The following CDH8 variants were observed in gnomAD, a reference collection of about 807,000 sequenced individuals.
The protein encoded by CDH8 is cadherin-8.
CDH8 carries 17 observed loss-of-function variants against 68.1 expected under a neutral mutation model. That is an observed-to-expected ratio of 0.25 (90% CI 0.17 to 0.37). The LOEUF (loss-of-function observed/expected upper bound fraction) is 0.37. CDH8 is among the 10% of genes least tolerant of loss of function. The pLI is 1.00. For missense variants in CDH8, 763 were observed against 999.3 expected, an observed-to-expected ratio of 0.76 and a Z score of 3.19; for synonymous variants, 372 against 365.1, an observed-to-expected ratio of 1.02 and a Z score of -0.21.
At chr16:61,955,665 G>T (rs1441280910) in intron 2 of CDH8, among the ~76,000 whole-genome samples, 1 of 151,834 alleles carries the variant, frequency 6.6e-6, no homozygotes, top group Non-Finnish European at 1.5e-5. Flanking sequence ...TCATTTAAAA[G>T]TGGTCACACA....
Position 61,689,903 on chromosome 16 carries a change from T to C in CDH8, c.1654+23938A>G, listed in dbSNP as rs181184347. 2.9e-3 allele frequency among the ~76,000 whole-genome samples: 448 copies of C among 152,098 alleles called. 1 individual carries two copies. The highest frequency in any genetic ancestry group is 4.8e-3 in the Non-Finnish European group (324 of 67,922). On this transcript the variant is annotated intron_variant, in intron 10 of 11. Coordinates refer to ENST00000577390, the MANE Select transcript of CDH8 (RefSeq NM_001796.5). The stretch of plus-strand genomic sequence containing the variant: ...TGCTCAAGGTTACATCACTAATATA[T>C]GTTATAGGTAGGATACAACAGTCTG...
At position 61,993,016 on chromosome 16, in the gene CDH8, C is replaced by T. The variant is rs570879527; in HGVS notation, c.252+28136G>A. On this transcript the variant is annotated intron_variant, in intron 2 of 11. Transcript: ENST00000577390. ...CTCAGGCTGGTCTTGAACTACTGGG[C>T]TCAAGCAATCCTCCTGTCTTGGCCT... Among the ~76,000 whole-genome samples, 3 of 152,156 alleles carry T rather than the reference C, an allele frequency of 2.0e-5. No individual in the cohort carries two copies. In the South Asian group the frequency reaches 6.2e-4, roughly 32 times the overall value.
intron 3 of CDH8, among the ~76,000 whole-genome samples, chr16:61,875,285 G>A (rs979689531): frequency 5.9e-5 from 9 of 151,874 alleles, no homozygotes; most frequent in African/African-American, 1.7e-4. Context: ...GAATACTACC[G>A]TGGACTCCAT....
At chr16:61,964,574 C>A (rs1051001460) in intron 2 of CDH8, among the ~76,000 whole-genome samples, 1 of 151,506 alleles carries the variant, frequency 6.6e-6, no homozygotes, top group Admixed American at 6.6e-5. Flanking sequence ...TTGAATGAAA[C>A]CAGGTTATTC....
rs540466771 is a variant in CDH8, at chr16:61,878,084, T to A, written c.548-20846A>T. ...GACAAATATTAGAAGAGTTTGAACA[T>A]CTCTTTGAATACTTATTTTGTGTCT... On this transcript the variant is annotated intron_variant, in intron 3 of 11. Transcript: ENST00000577390. 1.6e-4 allele frequency among the ~76,000 whole-genome samples: 24 copies of A among 152,292 alleles called. 1 individual carries two copies. In the East Asian group the frequency reaches 3.5e-3, roughly 22 times the overall value.
At chr16:61,733,210 T>G (rs1341950099) in intron 8 of CDH8, among the ~76,000 whole-genome samples, 1 of 151,794 alleles carries the variant, frequency 6.6e-6, no homozygotes, top group Non-Finnish European at 1.5e-5. Context: ...CTGAAGCTTA[T>G]TCTGCCAAGT....
At chr16:61,770,774 G>T (rs542023569) in intron 8 of CDH8, among the ~76,000 whole-genome samples, 60 of 152,000 alleles carry the variant, frequency 3.9e-4, no homozygotes, top group African/African-American at 1.2e-3. Context: ...ATTAAACAAT[G>T]TAACTGTAGT....
chr16:61,716,961 A>C (rs1964742165), intron 9 of CDH8, among the ~76,000 whole-genome samples: 1 of 151,650 alleles, frequency 6.6e-6, no homozygotes, highest in Non-Finnish European at 1.5e-5. Context: ...TGTTCAAAGA[A>C]ATGTACCTTC....
chr16:61,776,494 C>G (rs949424414), intron 8 of CDH8, among the ~76,000 whole-genome samples: 2 of 151,962 alleles, frequency 1.3e-5, no homozygotes, highest in African/African-American at 4.8e-5. Context: ...CCAACCTGGC[C>G]GGGATACTTG....
intron 2 of CDH8, among the ~76,000 whole-genome samples, chr16:61,927,679 C>A (rs1255730617): frequency 6.6e-6 from 1 of 152,124 alleles, no homozygotes; most frequent in East Asian, 1.9e-4. Flanking sequence ...GTCAGGCACC[C>A]CATCAGGTGG....
rs1316031690 is a variant in CDH8 at position 61,647,794 on chromosome 16, C to T, written c.*5814G>A. The T allele has an allele frequency of 2.9e-6, 2 of 699,498 alleles. No homozygotes were observed. The highest frequency in any genetic ancestry group is 5.2e-6 in the Non-Finnish European group (2 of 382,780). The allele number at this position is 699,498 out of a possible 1,614,324, so 43.3% of individuals were successfully genotyped here. A position where few individuals can be genotyped will look rare whatever the true frequency, so the allele number is the denominator to read the frequency against. On this transcript the variant is annotated 3_prime_UTR_variant, in exon 12 of 12. Coordinates refer to ENST00000577390, the MANE Select transcript of CDH8 (RefSeq NM_001796.5). ...GTGACCTCTCATTTCCTTTTCTGGT[C>T]CTGACCTCTGAGTTCATTGAAGCCA...
intron 2 of CDH8, among the ~76,000 whole-genome samples, chr16:61,923,019 A>G (rs1964396052): frequency 6.6e-6 from 1 of 152,222 alleles, no homozygotes; most frequent in Admixed American, 6.5e-5. Flanking sequence ...CATTCAAATA[A>G]TTTATGCAGT....
Position 61,793,706 on chromosome 16 carries a change from A to G in CDH8, c.1278-4224T>C, listed in dbSNP as rs531395200. On this transcript the variant is annotated intron_variant, in intron 7 of 11. Transcript: ENST00000577390. ...CTTTGGTATTGTGAATAGTGCTGCA[A>G]TTAACCTATGCATGCCTGTGTCTTT... 2.2e-4 allele frequency among the ~76,000 whole-genome samples: 33 copies of G among 152,110 alleles called. No individual in the cohort carries two copies. The South Asian group carries it at 3.3e-3, about 15-fold the overall frequency.
At chr16:61,866,729 T>A (rs1597028538) in intron 3 of CDH8, among the ~76,000 whole-genome samples, 1 of 152,122 alleles carries the variant, frequency 6.6e-6, no homozygotes, top group Middle Eastern at 3.2e-3. Flanking sequence ...TTGCTTTATT[T>A]AAAAAATAGA....
intron 2 of CDH8, among the ~76,000 whole-genome samples, chr16:61,996,849 C>T (rs540367699): frequency 6.6e-6 from 1 of 152,234 alleles, no homozygotes; most frequent in African/African-American, 2.4e-5. Flanking sequence ...CCTCTCAAAG[C>T]GCTGGGATTA....
At chr16:61,882,625 T>C (rs563549602) in intron 3 of CDH8, among the ~76,000 whole-genome samples, 1 of 152,172 alleles carries the variant, frequency 6.6e-6, no homozygotes, top group South Asian at 2.1e-4. Context: ...GTAAGAACAG[T>C]AAACCAAATA....
At chr16:61,687,997 G>A (rs1229537404) in intron 10 of CDH8, among the ~76,000 whole-genome samples, 15 of 152,056 alleles carry the variant, frequency 9.9e-5, no homozygotes, top group Non-Finnish European at 1.8e-4. Flanking sequence ...AGTGAAAGCA[G>A]TGAAATAACT....
intron 4 of CDH8, among the ~76,000 whole-genome samples, chr16:61,842,705 T>C (rs1160643145): frequency 6.6e-6 from 1 of 152,148 alleles, no homozygotes; most frequent in African/African-American, 2.4e-5. Context: ...GATGGAAAAC[T>C]CTGGCTACAG....
chr16:62,025,079 C>T (rs1902165501), intron 1 of CDH8, among the ~76,000 whole-genome samples: 1 of 152,080 alleles, frequency 6.6e-6, no homozygotes, highest in Admixed American at 6.5e-5. Context: ...ATATTGGCAG[C>T]ATTAAAGAAG....
Sources: gnomAD v4.1 joint callset for allele counts (sites outside exome capture counted in the v4.1 genomes callset) on GRCh38, gnomAD v4.1.1 for gene constraint, MANE v1.5 for transcripts, NCBI Gene and HGNC (gene_info 2026-07-23, HGNC 2026-07-21) for gene names.